HMBOX1: variants seen among roughly 807,000 people sequenced by gnomAD.
The protein encoded by HMBOX1 is homeobox-containing protein 1.
A neutral mutation model predicts 54.5 loss-of-function variants in HMBOX1; 14 were observed. The observed-to-expected ratio is 0.26, with a 90% CI of 0.17 to 0.40. The LOEUF is 0.40. HMBOX1 is among the 10% of genes least tolerant of loss of function. The probability of loss-of-function intolerance (pLI) is 1.00; values close to 1 mark genes in which losing one functional copy is unlikely to be tolerated. For missense variants in HMBOX1, 332 were observed against 514.4 expected, an observed-to-expected ratio of 0.65 and a Z score of 3.43; for synonymous variants, 160 against 181.0, an observed-to-expected ratio of 0.88 and a Z score of 0.93.
intron 6 of HMBOX1, among the ~76,000 whole-genome samples, chr8:29,019,712 T>A (rs1304054829): frequency 6.6e-6 from 1 of 152,170 alleles, no homozygotes. Flanking sequence ...CTAACTTTGT[T>A]TAGGTCACAA....
intron 1 of HMBOX1, among the ~76,000 whole-genome samples, chr8:28,921,239 G>A (rs889738883): frequency 2.0e-5 from 3 of 152,206 alleles, no homozygotes; most frequent in Non-Finnish European, 4.4e-5. Flanking sequence ...GGGAGGCTAA[G>A]GCAGGAGAAT....
Position 28,909,179 on chromosome 8 carries a change from G to C in HMBOX1, c.-58+18501G>C, listed in dbSNP as rs543877831. Among the ~76,000 whole-genome samples, 9 of 152,086 alleles carry C rather than the reference G, an allele frequency of 5.9e-5. No homozygotes were observed. The South Asian group carries it at 1.7e-3, about 28-fold the overall frequency. On this transcript the variant is annotated intron_variant, in intron 1 of 9. Coordinates refer to ENST00000287701, the MANE Select transcript of HMBOX1 (RefSeq NM_001135726.3). ...AAGCATGTTTATGTATTTTTTAAAG[G>C]TTAGTTTGACAAGATAATTGACCTA...
At position 29,051,014 on chromosome 8, in the gene HMBOX1, C is replaced by G. The variant is rs1806368250; in HGVS notation, c.1126-4C>G. 4 of 1,610,610 alleles carry G rather than the reference C, an allele frequency of 2.5e-6. No individual in the cohort carries two copies. The East Asian group carries it at 6.7e-5, about 27-fold the overall frequency. On this transcript the variant is annotated splice_region_variant and splice_polypyrimidine_tract_variant and intron_variant, in intron 9 of 9. Coordinates refer to ENST00000287701, the MANE Select transcript of HMBOX1 (RefSeq NM_001135726.3). ...AATAACATTTCTTATTTCTGCACAT[C>G]TAGGATGACAGTACGAGCCATAGTG...
At chr8:29,041,683 G>A (rs961010061) in intron 6 of HMBOX1, among the ~76,000 whole-genome samples, 5 of 152,130 alleles carry the variant, frequency 3.3e-5, no homozygotes, top group East Asian at 1.9e-4. Context: ...TTTGCACTGC[G>A]GGGTGGGGGA....
chr8:29,051,554 C>CTGA lies in HMBOX1; in HGVS notation c.*401_*403dup. ...TGTACTCCCTTTTCCTTCCCCAAGA[C>CTGA]TGATAGGATGCAAGCTGAGGTCGTG... On this transcript the variant is annotated 3_prime_UTR_variant, in exon 10 of 10. Transcript: ENST00000287701. 2 of 702,938 alleles carry CTGA rather than the reference C, an allele frequency of 2.8e-6. No individual in the cohort carries two copies. The highest frequency in any genetic ancestry group is 2.7e-5 in the East Asian group (1 of 37,294). 43.5% of individuals were successfully genotyped at this position (702,938 alleles called of 1,614,324 possible). A position where few individuals can be genotyped will look rare whatever the true frequency, so the allele number is the denominator to read the frequency against.
At chr8:28,989,973 G>A (rs917519635) in intron 4 of HMBOX1, among the ~76,000 whole-genome samples, 1 of 152,062 alleles carries the variant, frequency 6.6e-6, no homozygotes, top group African/African-American at 2.4e-5. Flanking sequence ...TATTGGTATT[G>A]TTTTTAATTT....
intron 1 of HMBOX1, among the ~76,000 whole-genome samples, chr8:28,920,898 C>CTTT (rs1317499236): frequency 3.9e-5 from 6 of 152,134 alleles, no homozygotes; most frequent in African/African-American, 1.4e-4. Flanking sequence ...TAAAGAATAA[C>CTTT]ATACTCTAAC....
chr8:28,955,144 A>C (rs995518019), intron 1 of HMBOX1, among the ~76,000 whole-genome samples: 6 of 152,176 alleles, frequency 3.9e-5, no homozygotes, highest in African/African-American at 1.4e-4. Flanking sequence ...TTTATCAAAT[A>C]TGCATATATA....
At chr8:29,039,625 C>A (rs906399711) in intron 6 of HMBOX1, among the ~76,000 whole-genome samples, 2 of 152,108 alleles carry the variant, frequency 1.3e-5, no homozygotes, top group Non-Finnish European at 2.9e-5. Flanking sequence ...ATATGCCAAG[C>A]ATATTTTTTT....
At chr8:29,013,218 T>G (rs1038203201) in intron 5 of HMBOX1, among the ~76,000 whole-genome samples, 1 of 152,096 alleles carries the variant, frequency 6.6e-6, no homozygotes, top group Non-Finnish European at 1.5e-5. Flanking sequence ...TCACTGCAAC[T>G]TCTGCCTTTC....
intron 6 of HMBOX1, among the ~76,000 whole-genome samples, chr8:29,042,911 A>G (rs1462053113): frequency 6.6e-6 from 1 of 152,170 alleles, no homozygotes; most frequent in East Asian, 1.9e-4. Context: ...GAAAGTGAAG[A>G]ACAAACTATT....
chr8:28,907,083 A>G (rs1376814820), intron 1 of HMBOX1, among the ~76,000 whole-genome samples: 1 of 152,246 alleles, frequency 6.6e-6, no homozygotes, highest in Admixed American at 6.5e-5. Flanking sequence ...ATTTCTTTTC[A>G]AGGCATAAAT....
At chr8:29,018,218 TTAAA>T (rs1433450047) in intron 5 of HMBOX1, among the ~76,000 whole-genome samples, 1 of 152,238 alleles carries the variant, frequency 6.6e-6, no homozygotes, top group Non-Finnish European at 1.5e-5. Flanking sequence ...AAGGGATTTG[TTAAA>T]TAGTGAATGA....
intron 1 of HMBOX1, among the ~76,000 whole-genome samples, chr8:28,952,158 T>TAAAA (rs3053470): frequency 2.3e-5 from 3 of 127,806 alleles, no homozygotes; most frequent in Admixed American, 8.0e-5. Flanking sequence ...GACCCTATCT[T>TAAAA]AAAAAAAAAA....
chr8:28,924,450 ATTTT>A (rs201997388), intron 1 of HMBOX1, among the ~76,000 whole-genome samples: 6 of 127,846 alleles, frequency 4.7e-5, no homozygotes, highest in African/African-American at 2.9e-5. Context: ...AATTTATCTA[ATTTT>A]TTTTTTTTTT....
intron 2 of HMBOX1, among the ~76,000 whole-genome samples, chr8:28,964,867 C>T (rs1159078170): frequency 6.6e-6 from 1 of 152,172 alleles, no homozygotes; most frequent in Non-Finnish European, 1.5e-5. Flanking sequence ...TTTCCCTCCC[C>T]ACTTTTTAAA....
At chr8:29,009,580 AT>A in intron 5 of HMBOX1, 2 of 826,116 alleles carry the variant, frequency 2.4e-6, no homozygotes, top group Non-Finnish European at 2.8e-6. Flanking sequence ...TAAATTTAAT[AT>A]TTTTATTTAA....
intron 1 of HMBOX1, among the ~76,000 whole-genome samples, chr8:28,941,873 C>T (rs530664699): frequency 4.9e-4 from 74 of 152,342 alleles, no homozygotes; most frequent in Non-Finnish European, 7.1e-4. Flanking sequence ...CTTTTAGTTT[C>T]CTCTTGCTTA....
intron 1 of HMBOX1, among the ~76,000 whole-genome samples, chr8:28,904,286 T>C (rs1813822642): frequency 6.6e-6 from 1 of 151,600 alleles, no homozygotes; most frequent in East Asian, 1.9e-4. Context: ...TCTTGCTCTG[T>C]CTTCAGGCTG....
Sources: gnomAD v4.1 joint callset for allele counts (sites outside exome capture counted in the v4.1 genomes callset) on GRCh38, gnomAD v4.1.1 for gene constraint, MANE v1.5 for transcripts, NCBI Gene and HGNC (gene_info 2026-07-23, HGNC 2026-07-21) for gene names.